The following SPINK9 variants were observed in gnomAD, a reference collection of about 807,000 sequenced individuals.
SPINK9 encodes serine peptidase inhibitor Kazal type 9.
SPINK9 carries 3 observed loss-of-function variants against 10.8 expected under a neutral mutation model. The ratio of observed to expected loss-of-function variants is 0.28; its 90% CI spans 0.13 to 0.72. The LOEUF (loss-of-function observed/expected upper bound fraction) is 0.72. Ranked by LOEUF, SPINK9 falls within the 30% of genes least tolerant of loss-of-function variation. The probability of loss-of-function intolerance (pLI) is 0.74; values close to 1 mark genes in which losing one functional copy is unlikely to be tolerated. For synonymous variants in SPINK9, 30 were observed against 31.2 expected (o/e 0.96, Z 0.12); for missense variants, 101 against 103.2 (o/e 0.98, Z 0.09).
At chr5:148,321,461 A>T (rs1756998521) in intron 1 of SPINK9, 1 of 151,160 alleles carries the variant, frequency 6.6e-6, no homozygotes, top group Non-Finnish European at 1.5e-5. Context: ...TCTTAATTTT[A>T]TTCTCTGTGA....
At chr5:148,321,789 T>C (rs1430368096) in intron 1 of SPINK9, among the ~76,000 whole-genome samples, 1 of 152,216 alleles carries the variant, frequency 6.6e-6, no homozygotes, top group Non-Finnish European at 1.5e-5. Context: ...AAGAAAAGCA[T>C]TGTTTCCCAA....
At chr5:148,322,467 A>C (rs1757009858) in intron 1 of SPINK9, among the ~76,000 whole-genome samples, 1 of 152,214 alleles carries the variant, frequency 6.6e-6, no homozygotes, top group African/African-American at 2.4e-5. Flanking sequence ...TTATGGATGG[A>C]AACACTGAGC....
chr5:148,336,387 A>C, intron 1 of SPINK9, 35 bp from the exon 2 acceptor site: 2 of 1,609,258 alleles, frequency 1.2e-6, no homozygotes, highest in East Asian at 4.5e-5. Flanking sequence ...GTTCTTCCAG[A>C]GTTTAATATT....
chr5:148,324,547 T>A (rs925287175), intron 2 of SPINK9, among the ~76,000 whole-genome samples: 1 of 151,960 alleles, frequency 6.6e-6, no homozygotes, highest in Non-Finnish European at 1.5e-5. Context: ...CTAACAAAAA[T>A]GCACAACCTG....
intron 2 of SPINK9, among the ~76,000 whole-genome samples, chr5:148,330,415 G>T (rs1581187336): frequency 1.3e-5 from 2 of 152,086 alleles, no homozygotes; most frequent in Non-Finnish European, 2.9e-5. Context: ...ACGTGAGATG[G>T]GTTTCCTGAA....
At chr5:148,335,496 C>G (rs1054346133), upstream of SPINK9, 10 of 832,842 alleles carry the variant, frequency 1.2e-5, no homozygotes, top group Admixed American at 2.1e-5. Flanking sequence ...TTAGAAATTG[C>G]TATTTCACAA....
chr5:148,323,746 T>C (rs1423250369), exon 2 of SPINK9: 16 of 696,148 alleles, frequency 2.3e-5, no homozygotes, highest in Non-Finnish European at 3.7e-5. Flanking sequence ...AGCATTTGCA[T>C]CTTTATGGTC....
At chr5:148,321,461 A>G (rs1756998521) in intron 1 of SPINK9, 1 of 151,160 alleles carries the variant, frequency 6.6e-6, no homozygotes, top group Non-Finnish European at 1.5e-5. Context: ...TCTTAATTTT[A>G]TTCTCTGTGA....
At chr5:148,327,886 C>T (rs1249597620) in intron 2 of SPINK9, among the ~76,000 whole-genome samples, 11 of 152,134 alleles carry the variant, frequency 7.2e-5, no homozygotes, top group Non-Finnish European at 1.0e-4. Flanking sequence ...TGTACCAGTA[C>T]CATGCTGTTT....
At chr5:148,327,778 CTTGT>C (rs1479792887) in intron 2 of SPINK9, among the ~76,000 whole-genome samples, 1 of 151,992 alleles carries the variant, frequency 6.6e-6, no homozygotes, top group South Asian at 2.1e-4. Flanking sequence ...TTCCCCATTG[CTTGT>C]TTTTGTCAGG....
At chr5:148,334,720 AAAG>A (rs1186281094), upstream of SPINK9, among the ~76,000 whole-genome samples, 20 of 152,270 alleles carry the variant, frequency 1.3e-4, no homozygotes, top group African/African-American at 4.3e-4. Context: ...CCAAAAAAAA[AAAG>A]AAGACGGTCT....
rs944056993 is a variant in SPINK9 at position 148,339,429 on chromosome 5, T to TA, written c.216-229dup. Among the ~76,000 whole-genome samples the TA allele has an allele frequency of 1.5e-4, 22 of 151,566 alleles. No homozygotes were observed. The South Asian group carries it at 1.9e-3, about 13-fold the overall frequency. ...TTCTAAATGTGTGTTTCCCTTAAAT[T>TA]AAAAAAAAATTAAAACATTTCTGTT... On this transcript the variant is annotated intron_variant, in intron 3 of 3. Coordinates refer to ENST00000377906, the MANE Select transcript of SPINK9 (RefSeq NM_001040433.2).
chr5:148,328,571 G>C (rs1022021034), intron 2 of SPINK9, among the ~76,000 whole-genome samples: 3 of 152,148 alleles, frequency 2.0e-5, no homozygotes, highest in Non-Finnish European at 2.9e-5. Context: ...GGGCATCCTT[G>C]TCTTGTGCCA....
intron 2 of SPINK9, among the ~76,000 whole-genome samples, chr5:148,328,229 G>T (rs1298762623): frequency 1.3e-5 from 2 of 152,114 alleles, no homozygotes; most frequent in Non-Finnish European, 2.9e-5. Context: ...CACATCCCTT[G>T]TAAGTTGGAT....
chr5:148,335,053 C>T (rs866564769), upstream of SPINK9, among the ~76,000 whole-genome samples: 1 of 152,238 alleles, frequency 6.6e-6, no homozygotes, highest in Middle Eastern at 3.4e-3. Flanking sequence ...TGAAATTCAG[C>T]CTTAGATACT....
intron 1 of SPINK9, among the ~76,000 whole-genome samples, chr5:148,321,708 G>A (rs543474605): frequency 9.2e-5 from 14 of 152,068 alleles, no homozygotes; most frequent in African/African-American, 3.4e-4. Context: ...CATATGACCT[G>A]TATGAGCAAA....
At chr5:148,326,155 C>A (rs570953840) in intron 2 of SPINK9, among the ~76,000 whole-genome samples, 1 of 152,272 alleles carries the variant, frequency 6.6e-6, no homozygotes, top group African/African-American at 2.4e-5. Context: ...TGCTCAACAT[C>A]TCTAATTACT....
upstream of SPINK9, among the ~76,000 whole-genome samples, chr5:148,331,945 T>C (rs373764134): frequency 9.8e-5 from 15 of 152,298 alleles, no homozygotes; most frequent in East Asian, 2.7e-3. Flanking sequence ...ATGTTGAATC[T>C]GTAGATCAAT....
chr5:148,333,008 A>T (rs186571010), upstream of SPINK9, among the ~76,000 whole-genome samples: 1 of 152,098 alleles, frequency 6.6e-6, no homozygotes, highest in Non-Finnish European at 1.5e-5. Flanking sequence ...GCATTTAAAA[A>T]TTTTTCATAT....
Sources: allele counts gnomAD v4.1 joint callset (sites outside exome capture counted in the v4.1 genomes callset), GRCh38; gene constraint gnomAD v4.1.1; transcripts MANE v1.5; gene names NCBI Gene and HGNC (gene_info 2026-07-23, HGNC 2026-07-21).